Variants in DOCK10 observed in about 807,000 individuals in gnomAD.
The protein encoded by DOCK10 is dedicator of cytokinesis 10.
In DOCK10, 145 loss-of-function variants were observed where a neutral mutation model predicts 280.1. That is an observed-to-expected ratio of 0.52 (90% CI 0.45 to 0.59). DOCK10 has a LOEUF of 0.59. Among genes scored for constraint, DOCK10 ranks in the 20% least tolerant of loss-of-function variants. DOCK10 has a pLI of 0.00. For synonymous variants in DOCK10, 915 were observed against 942.2 expected (o/e 0.97, Z 0.53); for missense variants, 2,368 against 2,651.7 (o/e 0.89, Z 2.35).
chr2:224,986,812 T>C lies in DOCK10; in HGVS notation c.124-55144A>G, dbSNP rs191143764. Reference sequence around the variant, plus strand: ...TTTAAACCACCTAGTCTGTGGTGTTTTGCTAGAGCAGCCCTAGTACCCTAG... The same window carrying C: ...TTTAAACCACCTAGTCTGTGGTGTTCTGCTAGAGCAGCCCTAGTACCCTAG... On this transcript the variant is annotated intron_variant, in intron 1 of 55. Coordinates refer to ENST00000258390, the MANE Select transcript of DOCK10 (RefSeq NM_014689.3). Among the ~76,000 whole-genome samples the C allele has an allele frequency of 1.4e-4, 21 of 152,282 alleles. 1 individual carries two copies. The East Asian group carries it at 2.9e-3, about 21-fold the overall frequency.
At chr2:224,801,871 G>A (rs1451040781) in intron 40 of DOCK10, 45 bp downstream of exon 40, 1 of 1,600,646 alleles carries the variant, frequency 6.2e-7, no homozygotes, top group African/African-American at 1.3e-5. Flanking sequence ...CATACCTAGA[G>A]AAAAACTGGT....
intron 4 of DOCK10, among the ~76,000 whole-genome samples, chr2:224,889,910 G>A (rs1446357608): frequency 6.6e-6 from 1 of 152,208 alleles, no homozygotes; most frequent in East Asian, 1.9e-4. Flanking sequence ...GGTTCCAATG[G>A]TTGATTTCAG....
chr2:224,933,884 A>G (rs1559802369), intron 1 of DOCK10, among the ~76,000 whole-genome samples: 1 of 152,108 alleles, frequency 6.6e-6, no homozygotes, highest in Non-Finnish European at 1.5e-5. Flanking sequence ...AAATTTTATC[A>G]CCCATTAGTC....
chr2:224,918,552 G>A (rs767002684), intron 2 of DOCK10, among the ~76,000 whole-genome samples: 1 of 142,658 alleles, frequency 7.0e-6, no homozygotes. Context: ...GTATATGTGT[G>A]AGTGTGTGTG....
chr2:224,877,741 G>A (rs1218173083), intron 7 of DOCK10, among the ~76,000 whole-genome samples: 1 of 152,136 alleles, frequency 6.6e-6, no homozygotes, highest in East Asian at 1.9e-4. Context: ...TAAAGCGGGG[G>A]AACCCAAGAA....
intron 1 of DOCK10, among the ~76,000 whole-genome samples, chr2:224,989,780 T>C (rs1382020680): frequency 6.6e-6 from 1 of 152,170 alleles, no homozygotes; most frequent in African/African-American, 2.4e-5. Context: ...ACCCAGTTAG[T>C]TACCCTTTAT....
At chr2:224,794,788 TC>T in intron 45 of DOCK10, 90 bp downstream of exon 45, 1 of 1,251,240 alleles carries the variant, frequency 8.0e-7, no homozygotes, top group Non-Finnish European at 1.2e-6. Context: ...AAACATGGCA[TC>T]CTTTTCTAGT....
intron 4 of DOCK10, among the ~76,000 whole-genome samples, chr2:224,887,227 G>A (rs1699358672): frequency 6.6e-6 from 1 of 152,104 alleles, no homozygotes; most frequent in African/African-American, 2.4e-5. Context: ...TCATCTGTAT[G>A]TGACATACTC....
In DOCK10 at chr2:225,011,193, G is replaced by GA. The variant is rs1167268902; in HGVS notation, c.123+31058dup. On this transcript the variant is annotated intron_variant, in intron 1 of 55. Coordinates refer to ENST00000258390, the MANE Select transcript of DOCK10 (RefSeq NM_014689.3). The stretch of plus-strand genomic sequence containing the variant: ...AAGAAGATTTCACGCCAATGAAGAT[G>GA]ATTACAAAAAGGAAAAAGAGGCAAT... Among the ~76,000 whole-genome samples the GA allele has an allele frequency of 3.9e-5, 6 of 152,308 alleles. No individual in the cohort carries two copies. In the East Asian group the frequency reaches 1.2e-3, roughly 29 times the overall value.
intron 2 of DOCK10, among the ~76,000 whole-genome samples, chr2:224,919,226 G>A (rs1701542589): frequency 2.1e-5 from 3 of 142,702 alleles, no homozygotes; most frequent in Non-Finnish European, 4.8e-5. Flanking sequence ...TATGTGTGGT[G>A]TGAATGTATG....
chr2:224,841,988 A>T, intron 22 of DOCK10, 92 bp from the exon 23 acceptor site: 1 of 896,448 alleles, frequency 1.1e-6, no homozygotes, highest in Non-Finnish European at 1.8e-6. Context: ...GCATTTCTGT[A>T]GGATTGATGC....
At chr2:224,947,496 G>A (rs1703487585) in intron 1 of DOCK10, among the ~76,000 whole-genome samples, 1 of 152,306 alleles carries the variant, frequency 6.6e-6, no homozygotes, top group African/African-American at 2.4e-5. Context: ...TAGAGAACAA[G>A]AAGAAGATAT....
intron 1 of DOCK10, among the ~76,000 whole-genome samples, chr2:224,979,790 T>G (rs1162611395): frequency 6.6e-6 from 1 of 152,196 alleles, no homozygotes; most frequent in African/African-American, 2.4e-5. Flanking sequence ...ACTTAACACT[T>G]ACTTTATCAA....
At chr2:225,008,446 A>G (rs1689340086) in intron 1 of DOCK10, among the ~76,000 whole-genome samples, 1 of 152,226 alleles carries the variant, frequency 6.6e-6, no homozygotes, top group African/African-American at 2.4e-5. Flanking sequence ...GAAGATACAC[A>G]AAAACTATTT....
chr2:224,870,990 C>G (rs1280870487), intron 11 of DOCK10, among the ~76,000 whole-genome samples: 1 of 151,896 alleles, frequency 6.6e-6, no homozygotes, highest in Non-Finnish European at 1.5e-5. Flanking sequence ...CTGTGTACAG[C>G]TAATTTTTGT....
intron 7 of DOCK10, among the ~76,000 whole-genome samples, chr2:224,883,840 A>AT (rs1295585958): frequency 1.3e-5 from 2 of 152,230 alleles, no homozygotes; most frequent in Non-Finnish European, 2.9e-5. Flanking sequence ...AATATTGCAT[A>AT]TTAACCTGGG....
At chr2:224,966,300 C>T (rs1290600144) in intron 1 of DOCK10, among the ~76,000 whole-genome samples, 1 of 123,634 alleles carries the variant, frequency 8.1e-6, no homozygotes, top group East Asian at 2.9e-4. Context: ...CACCCCCCAC[C>T]CCCCGTGGCC....
Position 224,961,796 on chromosome 2 carries a change from C to A in DOCK10, c.124-30128G>T, listed in dbSNP as rs534344104. ...CTGGGATTACAAGTGTGAGCCACCA[C>A]GCCTGGCCACATAGCAGCATTTTCT... On this transcript the variant is annotated intron_variant, in intron 1 of 55. Transcript: ENST00000258390. Among the ~76,000 whole-genome samples, 252 of 152,260 alleles carry A rather than the reference C, an allele frequency of 1.7e-3. 1 individual carries two copies. The highest frequency in any genetic ancestry group is 5.8e-3 in the African/African-American group (239 of 41,542).
At chr2:224,800,322 A>C in intron 40 of DOCK10, 59 bp from the exon 41 acceptor site, 1 of 984,666 alleles carries the variant, frequency 1.0e-6, no homozygotes. Flanking sequence ...GTACCCTATA[A>C]AGGATTTCCT....
Sources: gnomAD v4.1 joint callset for allele counts (sites outside exome capture counted in the v4.1 genomes callset) on GRCh38, gnomAD v4.1.1 for gene constraint, MANE v1.5 for transcripts, NCBI Gene and HGNC (gene_info 2026-07-23, HGNC 2026-07-21) for gene names.